DENND5B: variants seen among roughly 807,000 people sequenced by gnomAD.
DENND5B encodes DENN domain containing 5B.
DENND5B carries 34 observed loss-of-function variants against 140.6 expected under a neutral mutation model. The ratio of observed to expected loss-of-function variants is 0.24; its 90% CI spans 0.18 to 0.32. The LOEUF is 0.32. DENND5B is among the 10% of genes least tolerant of loss of function. The pLI is 1.00. For synonymous variants in DENND5B, 551 were observed against 562.1 expected, an observed-to-expected ratio of 0.98 and a Z score of 0.28; for missense variants, 1,142 against 1,560.2, an observed-to-expected ratio of 0.73 and a Z score of 4.52.
At chr12:31,552,997 T>C (rs2139261989) in intron 1 of DENND5B, among the ~76,000 whole-genome samples, 2 of 152,286 alleles carry the variant, frequency 1.3e-5, no homozygotes, top group Non-Finnish European at 2.9e-5. Flanking sequence ...ATTTTGTTGA[T>C]CTTTTCAAAA....
At chr12:31,477,758 TAATAAAGATGCTCAG>T (rs890926086) in intron 3 of DENND5B, 1 of 189,078 alleles carries the variant, frequency 5.3e-6, no homozygotes, top group Non-Finnish European at 1.3e-5. Flanking sequence ...GAAAAAGACA[TAATAAAGATGCTCAG>T]ATTAGAAAAC....
intron 1 of DENND5B, among the ~76,000 whole-genome samples, chr12:31,528,640 G>C (rs1948170446): frequency 6.6e-6 from 1 of 152,154 alleles, no homozygotes; most frequent in Non-Finnish European, 1.5e-5. Flanking sequence ...AATAAAGAAA[G>C]CGTGCAAGGC....
intron 7 of DENND5B, among the ~76,000 whole-genome samples, chr12:31,434,100 CTG>C (rs1411018871): frequency 1.3e-5 from 2 of 152,258 alleles, no homozygotes; most frequent in South Asian, 2.1e-4. Flanking sequence ...AATTTCATGA[CTG>C]TGTTTCTGAA....
intron 1 of DENND5B, among the ~76,000 whole-genome samples, chr12:31,509,995 A>C (rs1565650736): frequency 6.6e-6 from 1 of 152,292 alleles, no homozygotes; most frequent in East Asian, 1.9e-4. Flanking sequence ...AGCTGGACCT[A>C]CTTTAGTTTC....
intron 1 of DENND5B, among the ~76,000 whole-genome samples, chr12:31,514,599 T>C (rs1947551781): frequency 6.6e-6 from 1 of 152,068 alleles, no homozygotes; most frequent in African/African-American, 2.4e-5. Context: ...GTGGATCACT[T>C]GACATTAGGA....
chr12:31,551,686 C>G (rs1488174589), intron 1 of DENND5B, among the ~76,000 whole-genome samples: 3 of 152,154 alleles, frequency 2.0e-5, no homozygotes, highest in African/African-American at 4.8e-5. Context: ...TTGATTCTTC[C>G]TACCCATGAG....
chr12:31,486,760 C>T (rs1341401080), intron 2 of DENND5B, among the ~76,000 whole-genome samples: 1 of 152,232 alleles, frequency 6.6e-6, no homozygotes, highest in Non-Finnish European at 1.5e-5. Flanking sequence ...TACATAAATA[C>T]TACCTTAGAG....
chr12:31,571,812 T>C (rs987416871), intron 1 of DENND5B, among the ~76,000 whole-genome samples: 5 of 152,160 alleles, frequency 3.3e-5, no homozygotes, highest in African/African-American at 4.8e-5. Context: ...TTTCACCATG[T>C]TGGCCAGGCT....
chr12:31,429,079 G>A (rs764433128), intron 8 of DENND5B, among the ~76,000 whole-genome samples: 1 of 151,016 alleles, frequency 6.6e-6, no homozygotes, highest in Non-Finnish European at 1.5e-5. Context: ...TCATCATGTT[G>A]GTCAGGCTGG....
intron 2 of DENND5B, among the ~76,000 whole-genome samples, chr12:31,482,718 T>C (rs1202847993): frequency 2.0e-5 from 3 of 152,086 alleles, no homozygotes; most frequent in African/African-American, 7.2e-5. Context: ...CAGAAAGTAA[T>C]TGTTTTGATC....
chr12:31,571,490 T>C (rs1775209390), intron 1 of DENND5B, among the ~76,000 whole-genome samples: 1 of 144,138 alleles, frequency 6.9e-6, no homozygotes, highest in Non-Finnish European at 1.5e-5. Flanking sequence ...AGGATTTGGG[T>C]TTAAAAAAAA....
chr12:31,437,413 C>T (rs1943828313), intron 7 of DENND5B, among the ~76,000 whole-genome samples: 1 of 152,146 alleles, frequency 6.6e-6, no homozygotes, highest in Non-Finnish European at 1.5e-5. Context: ...GGATTACAGG[C>T]GTGAACCACC....
At chr12:31,553,380 AGT>A (rs1464872243) in intron 1 of DENND5B, among the ~76,000 whole-genome samples, 2 of 152,172 alleles carry the variant, frequency 1.3e-5, no homozygotes, top group Non-Finnish European at 2.9e-5. Flanking sequence ...TTTTTGAGTG[AGT>A]CTCTTAATCC....
intron 3 of DENND5B, among the ~76,000 whole-genome samples, chr12:31,468,238 A>G (rs1444084570): frequency 6.6e-6 from 1 of 152,184 alleles, no homozygotes; most frequent in African/African-American, 2.4e-5. Flanking sequence ...TGGGCAACAG[A>G]GCAAGACCCT....
At chr12:31,482,611 C>T (rs1309900150) in intron 2 of DENND5B, among the ~76,000 whole-genome samples, 1 of 151,654 alleles carries the variant, frequency 6.6e-6, no homozygotes, top group African/African-American at 2.4e-5. Flanking sequence ...TGAGGTCTTG[C>T]TCTATCACTC....
chr12:31,389,579 G>A (rs1301480604), intron 19 of DENND5B, 81 bp from the exon 20 acceptor site: 5 of 1,355,644 alleles, frequency 3.7e-6, no homozygotes, highest in East Asian at 5.0e-5. Context: ...ATTTATTATG[G>A]AAACACTAAC....
intron 1 of DENND5B, among the ~76,000 whole-genome samples, chr12:31,570,498 C>T (rs1215946003): frequency 6.7e-5 from 10 of 150,062 alleles, no homozygotes; most frequent in African/African-American, 1.5e-4. Context: ...AGGATGGTCT[C>T]GATCTCCTGA....
chr12:31,441,066 G>A (rs190370691), intron 7 of DENND5B, among the ~76,000 whole-genome samples: 219 of 152,144 alleles, frequency 1.4e-3, no homozygotes, highest in African/African-American at 5.2e-3. Context: ...GTAGGGGCTT[G>A]GCCTGGTGGC....
rs1001781048 is a variant in DENND5B, at chr12:31,451,506, G to A, written c.1629+434C>T. On this transcript the variant is annotated intron_variant, in intron 5 of 20. Coordinates refer to ENST00000389082, the MANE Select transcript of DENND5B (RefSeq NM_144973.4). ...GCCCAGCTAATTTTTTGTATTTTTC[G>A]TAGAGACGGGGTTTCACCATATTGG... 5.9e-5 allele frequency among the ~76,000 whole-genome samples: 9 copies of A among 152,098 alleles called. No homozygotes were observed. The East Asian group carries it at 7.8e-4, about 13-fold the overall frequency.
Sources: gnomAD v4.1 joint callset for allele counts (sites outside exome capture counted in the v4.1 genomes callset) on GRCh38, gnomAD v4.1.1 for gene constraint, MANE v1.5 for transcripts, NCBI Gene and HGNC (gene_info 2026-07-23, HGNC 2026-07-21) for gene names.